Variants in GSE1 observed in about 807,000 individuals in gnomAD.
GSE1 encodes genetic suppressor element 1.
A neutral mutation model predicts 112.6 loss-of-function variants in GSE1; 32 were observed. The ratio of observed to expected loss-of-function variants is 0.28; its 90% CI spans 0.21 to 0.38. The LOEUF is 0.38. Ranked by LOEUF, GSE1 falls within the 10% of genes least tolerant of loss-of-function variation. The pLI is 1.00. For synonymous variants in GSE1, 1,115 were observed against 735.6 expected (o/e 1.52, Z -8.35); for missense variants, 2,348 against 1,699.2 (o/e 1.38, Z -6.71).
intron 2 of GSE1, among the ~76,000 whole-genome samples, chr16:85,533,444 C>CA (rs887081505): frequency 2.7e-5 from 4 of 150,534 alleles, no homozygotes; most frequent in Middle Eastern, 3.5e-3. Context: ...AACAAACAAA[C>CA]AAAAAATCTC....
At chr16:85,194,184 T>G (rs1472488651) in intron 1 of GSE1, among the ~76,000 whole-genome samples, 1 of 152,174 alleles carries the variant, frequency 6.6e-6, no homozygotes, top group Non-Finnish European at 1.5e-5. Context: ...TTGCTGCTGT[T>G]CTTGGACTCC....
chr16:85,203,782 G>C (rs1040606381), intron 1 of GSE1, among the ~76,000 whole-genome samples: 1 of 152,206 alleles, frequency 6.6e-6, no homozygotes, highest in African/African-American at 2.4e-5. Flanking sequence ...CTGTCGCCCA[G>C]GCTGGTGTGC....
At chr16:85,512,150 A>G (rs1244247654) in intron 2 of GSE1, among the ~76,000 whole-genome samples, 3 of 152,134 alleles carry the variant, frequency 2.0e-5, no homozygotes, top group East Asian at 3.9e-4. Flanking sequence ...GGCTGGGCCC[A>G]CCATGGGCAT....
rs536749554 is a variant in GSE1 at position 85,541,450 on chromosome 16, C to G, written c.2465-92464C>G. Among the ~76,000 whole-genome samples, 310 of 152,388 alleles carry G rather than the reference C, an allele frequency of 2.0e-3. 3 individuals are homozygous for G. Among genetic ancestry groups the G allele is most frequent in the African/African-American group, 7.2e-3 (301 of 41,594 alleles). The stretch of plus-strand genomic sequence containing the variant: ...ACTGTCCTGACCGTGTCCCCACTGC[C>G]CCAGCTGAGCTCCTGGGCCAAGTGA... On this transcript the variant is annotated intron_variant, in intron 2 of 2. Transcript: ENST00000637419.
At chr16:85,554,038 C>A (rs922687824), upstream of GSE1, among the ~76,000 whole-genome samples, 9 of 152,134 alleles carry the variant, frequency 5.9e-5, no homozygotes, top group African/African-American at 2.2e-4. Flanking sequence ...CAAAAGGTGA[C>A]CCCTTAGTGT....
intron 2 of GSE1, among the ~76,000 whole-genome samples, chr16:85,549,660 T>C (rs888508399): frequency 3.9e-5 from 6 of 152,212 alleles, no homozygotes; most frequent in African/African-American, 1.4e-4. Flanking sequence ...GAAGTCACCA[T>C]GAGGTGTGAC....
At chr16:85,255,880 G>A (rs898286682) in intron 1 of GSE1, among the ~76,000 whole-genome samples, 10 of 151,522 alleles carry the variant, frequency 6.6e-5, no homozygotes, top group African/African-American at 2.4e-4. Flanking sequence ...TAGAGATGGG[G>A]TCTCACCGTG....
chr16:85,583,095 C>T (rs1002431404), intron 1 of GSE1, among the ~76,000 whole-genome samples: 2 of 152,108 alleles, frequency 1.3e-5, no homozygotes, highest in Non-Finnish European at 2.9e-5. Context: ...CACCCTCCTG[C>T]GAGGGTGGTG....
At chr16:85,612,659 A>G (rs562044679), upstream of GSE1, among the ~76,000 whole-genome samples, 1 of 134,872 alleles carries the variant, frequency 7.4e-6, no homozygotes, top group Admixed American at 7.9e-5. Flanking sequence ...CCAAGTTCTT[A>G]GTATTCAGCC....
At chr16:85,329,932 TG>T (rs1211379516) in intron 1 of GSE1, among the ~76,000 whole-genome samples, 1 of 36,326 alleles carries the variant, frequency 2.8e-5, no homozygotes, top group East Asian at 6.9e-4. Context: ...GGCAAGAGGC[TG>T]GTGGGGGGGC....
At chr16:85,567,957 C>G (rs1391890623) in intron 1 of GSE1, among the ~76,000 whole-genome samples, 2 of 152,138 alleles carry the variant, frequency 1.3e-5, no homozygotes, top group Non-Finnish European at 2.9e-5. Context: ...TTCCTGGGCT[C>G]CAGTGATCCT....
chr16:85,630,066 T>G (rs1258703726), intron 1 of GSE1, among the ~76,000 whole-genome samples: 1 of 152,202 alleles, frequency 6.6e-6, no homozygotes, highest in Non-Finnish European at 1.5e-5. Flanking sequence ...GAGGATTCAT[T>G]GCCAAGGTGG....
intron 2 of GSE1, among the ~76,000 whole-genome samples, chr16:85,518,186 C>G (rs1000874861): frequency 6.6e-6 from 1 of 152,240 alleles, no homozygotes; most frequent in Non-Finnish European, 1.5e-5. Flanking sequence ...GCCTGCAGGC[C>G]CAGATCCAGT....
chr16:85,589,389 G>C (rs1288473037), intron 1 of GSE1, among the ~76,000 whole-genome samples: 1 of 152,124 alleles, frequency 6.6e-6, no homozygotes, highest in African/African-American at 2.4e-5. Flanking sequence ...TGGATGCTGG[G>C]TGGGCAGGGC....
intron 2 of GSE1, among the ~76,000 whole-genome samples, chr16:85,361,344 CACA>C (rs2047076738): frequency 7.0e-6 from 1 of 141,852 alleles, no homozygotes; most frequent in African/African-American, 2.6e-5. Context: ...CACACACACA[CACA>C]GGGGCAGAGA....
chr16:85,399,898 C>G (rs1029370212), intron 2 of GSE1, among the ~76,000 whole-genome samples: 2 of 152,176 alleles, frequency 1.3e-5, no homozygotes, highest in African/African-American at 2.4e-5. Context: ...CAAGACTGGC[C>G]AGGGCAGACC....
Position 85,633,379 on chromosome 16 carries a change from C to T in GSE1, c.8-535C>T, listed in dbSNP as rs117087215. Among the ~76,000 whole-genome samples, 420 of 152,272 alleles carry T rather than the reference C, an allele frequency of 2.8e-3. 2 individuals are homozygous for T. Among genetic ancestry groups the T allele is most frequent in the Non-Finnish European group, 4.4e-3 (302 of 68,002 alleles). On this transcript the variant is annotated intron_variant, in intron 1 of 15. Coordinates refer to ENST00000253458, the MANE Select transcript of GSE1 (RefSeq NM_014615.5). ...GGGGCCTTAGTTTCCTTTTCTGTAA[C>T]GTGGGGCAGAACTCCCGCCAGTCTT...
intron 2 of GSE1, among the ~76,000 whole-genome samples, chr16:85,421,918 A>G (rs11149743): frequency 0.83 from 126,994 of 152,114 alleles, 54,571 homozygotes; most frequent in Middle Eastern, 0.98. Context: ...TGGCAGGCCC[A>G]TGCTGAGGGC....
chr16:85,255,333 G>C lies in GSE1; in HGVS notation c.2283+83526G>C, dbSNP rs571716966. ...CAGCCTGACCCGCTGCCTTCTGGCT[G>C]TGTGGTCCAGGACCACTGATGATAC... On this transcript the variant is annotated intron_variant, in intron 1 of 2. Coordinates refer to the GSE1 transcript ENST00000637419. 5.3e-5 allele frequency among the ~76,000 whole-genome samples: 8 copies of C among 152,244 alleles called. No individual in the cohort carries two copies. The East Asian group carries it at 1.5e-3, about 29-fold the overall frequency.
Sources: allele counts gnomAD v4.1 joint callset (sites outside exome capture counted in the v4.1 genomes callset), GRCh38; gene constraint gnomAD v4.1.1; transcripts MANE v1.5; gene names NCBI Gene and HGNC (gene_info 2026-07-23, HGNC 2026-07-21).